EGR3: variants seen among roughly 807,000 people sequenced by gnomAD.
EGR3 encodes early growth response 3.
A neutral mutation model predicts 22.4 loss-of-function variants in EGR3; 4 were observed. That is an observed-to-expected ratio of 0.18 (90% CI 0.09 to 0.41). EGR3 has a LOEUF of 0.41. Among genes scored for constraint, EGR3 ranks in the 10% least tolerant of loss-of-function variants. The pLI is 1.00. For synonymous variants in EGR3, 219 were observed against 226.8 expected, an observed-to-expected ratio of 0.97 and a Z score of 0.31; for missense variants, 315 against 541.3, an observed-to-expected ratio of 0.58 and a Z score of 4.15.
rs1563184289 is a variant in EGR3, at chr8:22,692,366, A to AG, written c.154+424dup. The AG allele has an allele frequency of 4.1e-6, 6 of 1,476,908 alleles. No individual in the cohort carries two copies. The South Asian group carries it at 6.5e-5, about 16-fold the overall frequency. 91.5% of individuals were successfully genotyped at this position (1,476,908 alleles called of 1,614,324 possible). Reference sequence around the variant, plus strand: ...TCCCGGGTGGGAGGCTGAGGGAGTAAGGGGGGAGAGCGCGGGTGAAAAAGA... The same window carrying AG: ...TCCCGGGTGGGAGGCTGAGGGAGTAAGGGGGGGAGAGCGCGGGTGAAAAAGA... On this transcript the variant is annotated intron_variant, in intron 1 of 1. Coordinates refer to ENST00000317216, the MANE Select transcript of EGR3 (RefSeq NM_004430.3). This position sits in a 1 kb window ranked among gnomAD's most constrained non-coding sequence, Gnocchi z 6.2.
At position 22,690,676 on chromosome 8, in the gene EGR3, T is replaced by C; in HGVS notation, c.961A>G (p.Thr321Ala). 6.2e-7 allele frequency: 1 copy of C among 1,613,886 alleles called. No homozygotes were observed. The highest frequency in any genetic ancestry group is 8.5e-7 in the Non-Finnish European group (1 of 1,179,852). ...MRSFSRSDHL[T>A]THIRTHTGEK... ...CCCGTATGAGTGCGGATGTGAGTGG[T>C]GAGGTGGTCGCTGCGGCTGAAGCTC... Residue 321 changes from threonine to alanine, a missense_variant, in exon 2 of 2, where the codon ACC (threonine) becomes GCC (alanine). Physicochemically the swap from Thr to Ala is moderately conservative, Grantham distance 58. Transcript: ENST00000317216.
intron 1 of EGR3, chr8:22,691,769 A>C: frequency 1.0e-6 from 1 of 985,200 alleles, no homozygotes; most frequent in Non-Finnish European, 1.2e-6. Flanking sequence ...CGCGCGCGAG[A>C]AGCATTGTTG....
chr8:22,692,003 G>T lies in EGR3; in HGVS notation c.155-521C>A. 1 of 1,295,928 alleles carries T rather than the reference G, an allele frequency of 7.7e-7. No homozygotes were observed. The highest frequency in any genetic ancestry group is 2.3e-5 in the South Asian group (1 of 43,146). The allele number at this position is 1,295,928 out of a possible 1,614,324, so 80.3% of individuals were successfully genotyped here. Reference sequence around the variant, plus strand: ...CGCTTTGTCCTCGGAGCGTAGAAGGGTGTCGCCCTCAAAGGGAGCTCTCCC... The same window carrying T: ...CGCTTTGTCCTCGGAGCGTAGAAGGTTGTCGCCCTCAAAGGGAGCTCTCCC... On this transcript the variant is annotated intron_variant, in intron 1 of 1. Coordinates refer to ENST00000317216, the MANE Select transcript of EGR3 (RefSeq NM_004430.3). The surrounding 1 kb of genome is among the most constrained non-coding windows in gnomAD (Gnocchi z 6.2).
chr8:22,693,101 G>A lies in EGR3; in HGVS notation c.-157C>T, dbSNP rs1804025234. The A allele has an allele frequency of 2.4e-6, 1 of 413,322 alleles. No homozygotes were observed. The highest frequency in any genetic ancestry group is 4.5e-6 in the Non-Finnish European group (1 of 223,274). The allele number at this position is 413,322 out of a possible 1,614,324, so 25.6% of individuals were successfully genotyped here. A position where few individuals can be genotyped will look rare whatever the true frequency, so the allele number is the denominator to read the frequency against. On this transcript the variant is annotated 5_prime_UTR_variant, in exon 1 of 2. Coordinates refer to ENST00000317216, the MANE Select transcript of EGR3 (RefSeq NM_004430.3). ...CGGGGGGAGGGGGGAGGGAAGAAGG[G>A]AAGGGATGGGCCAGGAGAGGGGATC...
chr8:22,689,615 G>C lies in EGR3; in HGVS notation c.*858C>G, dbSNP rs1041372136. On this transcript the variant is annotated 3_prime_UTR_variant, in exon 2 of 2. Coordinates refer to ENST00000317216, the MANE Select transcript of EGR3 (RefSeq NM_004430.3). ...ATATATTTTAAAAGGCAGGCTCAGC[G>C]ATGGCTGCTCTTTCTCCCCACAGAT... The C allele has an allele frequency of 2.0e-5, 3 of 152,598 alleles. No homozygotes were observed. Among genetic ancestry groups the C allele is most frequent in the Non-Finnish European group, 2.9e-5 (2 of 68,044 alleles). 9.5% of individuals were successfully genotyped at this position (152,598 alleles called of 1,614,324 possible).
At position 22,690,291 on chromosome 8, in the gene EGR3, C is replaced by T. The variant is rs1803898708; in HGVS notation, c.*182G>A. 3 of 613,994 alleles carry T rather than the reference C, an allele frequency of 4.9e-6. No individual in the cohort carries two copies. Among genetic ancestry groups the T allele is most frequent in the Admixed American group, 3.0e-5 (1 of 33,158 alleles). 38.0% of individuals were successfully genotyped at this position (613,994 alleles called of 1,614,324 possible). On this transcript the variant is annotated 3_prime_UTR_variant, in exon 2 of 2. Coordinates refer to ENST00000317216, the MANE Select transcript of EGR3 (RefSeq NM_004430.3). ...GGGAAGGCGCCTCCAGCCCTGGCCCCTGACCGCTGGCCGGCGTGAAAGGTT... is the reference window on the plus strand; with the variant it reads ...GGGAAGGCGCCTCCAGCCCTGGCCCTTGACCGCTGGCCGGCGTGAAAGGTT...
At position 22,691,981 on chromosome 8, in the gene EGR3, T is replaced by C. The variant is rs1585223150; in HGVS notation, c.155-499A>G. 3.2e-6 allele frequency: 4 copies of C among 1,262,488 alleles called. No individual in the cohort carries two copies. The East Asian group carries it at 1.3e-4, about 40-fold the overall frequency. 78.2% of individuals were successfully genotyped at this position (1,262,488 alleles called of 1,614,324 possible). A position where few individuals can be genotyped will look rare whatever the true frequency, so the allele number is the denominator to read the frequency against. ...TCGCCGACCCAGAGCGCTCCGACGC[T>C]TTGTCCTCGGAGCGTAGAAGGGTGT... On this transcript the variant is annotated intron_variant, in intron 1 of 1. Transcript: ENST00000317216.
In EGR3 at chr8:22,690,548, C is replaced by T. The variant is rs773703007; in HGVS notation, c.1089G>A (p.Ala363=). 1 of 1,613,720 alleles carries T rather than the reference C, an allele frequency of 6.2e-7. No homozygotes were observed. Among genetic ancestry groups the T allele is most frequent in the Non-Finnish European group, 8.5e-7 (1 of 1,179,966 alleles). The change falls in exon 2 of 2, where the codon GCG becomes GCA. Residue 363 remains alanine (A), a synonymous_variant. Transcript: ENST00000317216. ...KIHLKQKEKK[A]EKGGAPSASS... ...ATGCAGAGGGTGCACCGCCCTTCTCCGCCTTCTTCTCCTTTTGCTTGAGGT... is the reference window on the plus strand; with the variant it reads ...ATGCAGAGGGTGCACCGCCCTTCTCTGCCTTCTTCTCCTTTTGCTTGAGGT...
intron 1 of EGR3, 93 bp from the exon 2 acceptor site, chr8:22,691,575 C>A: frequency 6.6e-7 from 1 of 1,522,306 alleles, no homozygotes. Context: ...GCGGAGGGTG[C>A]GGCCGGGTGG....
chr8:22,690,198 G>T lies in EGR3; in HGVS notation c.*275C>A. ...GGCGGCCCCTGGATCAAGGCGATCC[G>T]AACTGAACAAAGCGGGCTAGACGCC... is the stretch of plus-strand genomic sequence containing the variant. On this transcript the variant is annotated 3_prime_UTR_variant, in exon 2 of 2. Transcript: ENST00000317216. 1 of 507,216 alleles carries T rather than the reference G, an allele frequency of 2.0e-6. No homozygotes were observed. Among genetic ancestry groups the T allele is most frequent in the Non-Finnish European group, 3.5e-6 (1 of 287,086 alleles). The allele number at this position is 507,216 out of a possible 1,614,324, so 31.4% of individuals were successfully genotyped here.
chr8:22,690,343 C>A lies in EGR3; in HGVS notation c.*130G>T, dbSNP rs1455248829. 1.3e-6 allele frequency: 1 copy of A among 756,544 alleles called. No individual in the cohort carries two copies. The highest frequency in any genetic ancestry group is 2.1e-6 in the Non-Finnish European group (1 of 480,506). 46.9% of individuals were successfully genotyped at this position (756,544 alleles called of 1,614,324 possible). ...GGAACCGGGGGCATCGAAGGGGAAG[C>A]AAGGGGCCGCACGTCCATGGAGAGG... On this transcript the variant is annotated 3_prime_UTR_variant, in exon 2 of 2. Transcript: ENST00000317216.
rs1803833296 is a variant in EGR3 at position 22,688,405 on chromosome 8, A to C, written c.*2068T>G. The C allele has an allele frequency of 6.6e-6, 1 of 152,628 alleles. No homozygotes were observed. The highest frequency in any genetic ancestry group is 1.5e-5 in the Non-Finnish European group (1 of 68,036). 9.5% of individuals were successfully genotyped at this position (152,628 alleles called of 1,614,324 possible). A position where few individuals can be genotyped will look rare whatever the true frequency, so the allele number is the denominator to read the frequency against. On this transcript the variant is annotated 3_prime_UTR_variant, in exon 2 of 2. Coordinates refer to ENST00000317216, the MANE Select transcript of EGR3 (RefSeq NM_004430.3). ...TATTCAGCAAAATACTGTCTCTGCA[A>C]AGAAAGATTTTACCCTTCAGCTGAA... is the stretch of plus-strand genomic sequence containing the variant.
In EGR3 at chr8:22,690,195, T is replaced by C; in HGVS notation, c.*278A>G. 2.1e-6 allele frequency: 1 copy of C among 480,070 alleles called. No homozygotes were observed. Among genetic ancestry groups the C allele is most frequent in the South Asian group, 3.7e-5 (1 of 27,114 alleles). The allele number at this position is 480,070 out of a possible 1,614,324, so 29.7% of individuals were successfully genotyped here. A position where few individuals can be genotyped will look rare whatever the true frequency, so the allele number is the denominator to read the frequency against. ...CCCGGCGGCCCCTGGATCAAGGCGATCCGAACTGAACAAAGCGGGCTAGAC... is the reference window on the plus strand; with the variant it reads ...CCCGGCGGCCCCTGGATCAAGGCGACCCGAACTGAACAAAGCGGGCTAGAC... On this transcript the variant is annotated 3_prime_UTR_variant, in exon 2 of 2. Transcript: ENST00000317216.
intron 1 of EGR3, chr8:22,691,938 A>T (rs1803980909): frequency 8.1e-7 from 1 of 1,231,898 alleles, no homozygotes. Context: ...GATGCCCCCC[A>T]CGCGCGCTGC....
At position 22,692,127 on chromosome 8, in the gene EGR3, C is replaced by G; in HGVS notation, c.155-645G>C. The G allele has an allele frequency of 3.7e-6, 5 of 1,366,142 alleles. No individual in the cohort carries two copies. The highest frequency in any genetic ancestry group is 4.7e-6 in the Non-Finnish European group (5 of 1,064,112). The allele number at this position is 1,366,142 out of a possible 1,614,324, so 84.6% of individuals were successfully genotyped here. A position where few individuals can be genotyped will look rare whatever the true frequency, so the allele number is the denominator to read the frequency against. ...CCCAGCTAGGGAGGGTGGAGAGCGGCGGAAAACCGGCCGGTGTCTCCATGG... is the reference window on the plus strand; with the variant it reads ...CCCAGCTAGGGAGGGTGGAGAGCGGGGGAAAACCGGCCGGTGTCTCCATGG... On this transcript the variant is annotated intron_variant, in intron 1 of 1. Transcript: ENST00000317216. The surrounding 1 kb of genome is among the most constrained non-coding windows in gnomAD (Gnocchi z 6.2).
Position 22,692,384 on chromosome 8 carries a change from GA to G in EGR3, c.154+406del. 4 of 1,455,104 alleles carry G rather than the reference GA, an allele frequency of 2.7e-6. No individual in the cohort carries two copies. Among genetic ancestry groups the G allele is most frequent in the Admixed American group, 2.7e-5 (1 of 36,980 alleles). 90.1% of individuals were successfully genotyped at this position (1,455,104 alleles called of 1,614,324 possible). On this transcript the variant is annotated intron_variant, in intron 1 of 1. Coordinates refer to ENST00000317216, the MANE Select transcript of EGR3 (RefSeq NM_004430.3). This position sits in a 1 kb window ranked among gnomAD's most constrained non-coding sequence, Gnocchi z 6.2. ...GGGAGTAAGGGGGGAGAGCGCGGGT[GA>G]AAAAGACGCCGGGCTCCTCCCGGGA...
intron 1 of EGR3, chr8:22,691,782 C>G (rs1474878182): frequency 1.0e-6 from 1 of 985,316 alleles, no homozygotes; most frequent in East Asian, 1.1e-4. Context: ...CATTGTTGTT[C>G]TTCCCGAGGT....
Position 22,692,331 on chromosome 8 carries a change from C to T in EGR3, c.154+460G>A. On this transcript the variant is annotated intron_variant, in intron 1 of 1. Transcript: ENST00000317216. This position sits in a 1 kb window ranked among gnomAD's most constrained non-coding sequence, Gnocchi z 6.2. ...CCCACCGCGGGGACTCCACGCCGCACATGGCTCCATCCCGGGTGGGAGGCT... is the reference window on the plus strand; with the variant it reads ...CCCACCGCGGGGACTCCACGCCGCATATGGCTCCATCCCGGGTGGGAGGCT... 1 of 1,513,264 alleles carries T rather than the reference C, an allele frequency of 6.6e-7. No individual in the cohort carries two copies. Among genetic ancestry groups the T allele is most frequent in the Non-Finnish European group, 8.8e-7 (1 of 1,137,674 alleles). The allele number at this position is 1,513,264 out of a possible 1,614,324, so 93.7% of individuals were successfully genotyped here. A position where few individuals can be genotyped will look rare whatever the true frequency, so the allele number is the denominator to read the frequency against.
intron 1 of EGR3, chr8:22,691,797 C>A: frequency 4.1e-6 from 4 of 985,416 alleles, no homozygotes; most frequent in Non-Finnish European, 4.8e-6. Context: ...CGAGGTGGGG[C>A]GGGCAGGTAG....
Sources: gnomAD v4.1 joint callset for allele counts on GRCh38, gnomAD v4.1.1 for gene constraint, Gnocchi (gnomAD v3.1) non-coding constraint, MANE v1.5 for transcripts, NCBI Gene and HGNC (gene_info 2026-07-23, HGNC 2026-07-21) for gene names.